MATN3: variants seen among roughly 807,000 people sequenced by gnomAD.
MATN3 encodes the protein matrilin-3.
In MATN3, 48 loss-of-function variants were observed where a neutral mutation model predicts 45.3. The ratio of observed to expected loss-of-function variants is 1.06; its 90% CI spans 0.84 to 1.35. The LOEUF (loss-of-function observed/expected upper bound fraction) is 1.35, where lower values mean the gene tolerates loss of function less well. Among genes scored for constraint, MATN3 ranks in the 40% most tolerant of loss-of-function variants. The probability of loss-of-function intolerance (pLI) is 0.00; values close to 1 mark genes in which losing one functional copy is unlikely to be tolerated. For missense variants in MATN3, 599 were observed against 628.0 expected (o/e 0.95, Z 0.49); for synonymous variants, 217 against 245.9 (o/e 0.88, Z 1.10).
intron 2 of MATN3, among the ~76,000 whole-genome samples, chr2:20,005,272 A>G (rs1245399831): frequency 1.3e-5 from 2 of 152,038 alleles, no homozygotes; most frequent in Admixed American, 1.3e-4. Flanking sequence ...AGGCCTGCTG[A>G]CTCTCCCAAG....
rs1365014580 is a variant in MATN3 at position 20,012,394 on chromosome 2, G to T, written c.223+15C>A. 1.5e-5 allele frequency: 19 copies of T among 1,227,828 alleles called. No individual in the cohort carries two copies. The highest frequency in any genetic ancestry group is 1.8e-5 in the Non-Finnish European group (18 of 985,536). 76.1% of individuals were successfully genotyped at this position (1,227,828 alleles called of 1,614,324 possible). On this transcript the variant is annotated intron_variant, in intron 1 of 7. Coordinates refer to ENST00000407540, the MANE Select transcript of MATN3 (RefSeq NM_002381.5). The surrounding 1 kb of genome is among the most constrained non-coding windows in gnomAD (Gnocchi z 4.3). ...CGTTCGATGCTCACGCGTCCCTCCC[G>T]CCGCCCGCCTGTACCTGCACCGCGG...
In MATN3 at chr2:20,006,038, T is replaced by A. The variant is rs761650716; in HGVS notation, c.496A>T (p.Ile166Phe). The change falls in exon 2 of 8, where the codon ATC becomes TTC. Residue 166 changes from isoleucine (I) to phenylalanine (F), a missense_variant. Coordinates refer to ENST00000407540, the MANE Select transcript of MATN3 (RefSeq NM_002381.5). Reference sequence around the variant, plus strand: ...AAGGCTTCGTCCATTGCTGTCTGGATGGCTAGGCCTGACATGGTGCCTGTT... The same window carrying A: ...AAGGCTTCGTCCATTGCTGTCTGGAAGGCTAGGCCTGACATGGTGCCTGTT... ...LSTGTMSGLAIQTAMDEAFTV... is the reference protein window; with the variant it reads ...LSTGTMSGLAFQTAMDEAFTV... 1 of 1,614,020 alleles carries A rather than the reference T, an allele frequency of 6.2e-7. No individual in the cohort carries two copies. The highest frequency in any genetic ancestry group is 1.1e-5 in the South Asian group (1 of 91,092).
rs182164052 is a variant in MATN3, at chr2:20,005,801, C to G, written c.733G>C (p.Val245Leu). 3.7e-6 allele frequency: 6 copies of G among 1,611,214 alleles called. No individual in the cohort carries two copies. In the Admixed American group the frequency reaches 1.0e-4, roughly 27 times the overall value. ...SEPLEEHVFY[V>L]ETYGVIEKLS... ...TTCTCAATGACCCCATAGGTCTCCA[C>G]GTAGAAAACATGCTCCTCTAGGGGC... The change falls in exon 2 of 8, where the codon GTG becomes CTG. Residue 245 changes from valine (V) to leucine (L), a missense_variant. Val to Leu is a conservative substitution (Grantham distance 32). Transcript: ENST00000407540.
At chr2:19,996,732 G>A (rs1229128722) in intron 6 of MATN3, among the ~76,000 whole-genome samples, 5 of 152,096 alleles carry the variant, frequency 3.3e-5, no homozygotes, top group Admixed American at 6.6e-5. Flanking sequence ...TTGTTTCATC[G>A]GCACAGACTT....
rs772017251 is a variant in MATN3 at position 20,001,980 on chromosome 2, C to T, written c.1017G>A (p.Leu339=). 2 of 1,613,476 alleles carry T rather than the reference C, an allele frequency of 1.2e-6. No homozygotes were observed. The highest frequency in any genetic ancestry group is 3.3e-5 in the Admixed American group (2 of 59,976). ...YHCECYEGYT[L]NEDRKTCSAQ... ...CTGAACAAGTTTTCCTGTCTTCATT[C>T]AAGGTATAACCTTCATAGCACTCAC... The change falls in exon 4 of 8, where the codon TTG becomes TTA. Residue 339 remains leucine (L), a synonymous_variant. Transcript: ENST00000407540.
In MATN3 at chr2:20,005,968, T is replaced by C; in HGVS notation, c.566A>G (p.Lys189Arg). The C allele has an allele frequency of 6.2e-7, 1 of 1,613,980 alleles. No homozygotes were observed. Reference protein sequence around the residue: ...GAREPSSNIPKVAIIVTDGRP... With the variant: ...GAREPSSNIPRVAIIVTDGRP... ...CCCATCTGTAACAATGATGGCCACC[T>C]TAGGGATGTTAGAAGAGGGCTCTCG... is the stretch of plus-strand genomic sequence containing the variant. The change falls in exon 2 of 8, where the codon AAG becomes AGG. Residue 189 changes from lysine to arginine, a missense_variant. By Grantham distance (26) the Lys-to-Arg change is conservative. Coordinates refer to ENST00000407540, the MANE Select transcript of MATN3 (RefSeq NM_002381.5).
intron 1 of MATN3, among the ~76,000 whole-genome samples, chr2:20,007,080 T>G (rs184930875): frequency 6.6e-6 from 1 of 152,064 alleles, no homozygotes; most frequent in Admixed American, 6.6e-5. Flanking sequence ...TGGTAGTGGG[T>G]GCCTGTATTC....
Position 20,012,618 on chromosome 2 carries a change from G to A in MATN3, c.14C>T (p.Ala5Val), listed in dbSNP as rs1252239426. The A allele has an allele frequency of 8.2e-7, 1 of 1,216,576 alleles. No homozygotes were observed. Among genetic ancestry groups the A allele is most frequent in the Non-Finnish European group, 1.0e-6 (1 of 978,220 alleles). The allele number at this position is 1,216,576 out of a possible 1,614,324, so 75.4% of individuals were successfully genotyped here. A position where few individuals can be genotyped will look rare whatever the true frequency, so the allele number is the denominator to read the frequency against. Residue 5 changes from alanine to valine, a missense_variant, in exon 1 of 8, where the codon GCC becomes GTC. Physicochemically the swap from Ala to Val is moderately conservative, Grantham distance 64. Transcript: ENST00000407540. This position sits in a 1 kb window ranked among gnomAD's most constrained non-coding sequence, Gnocchi z 4.3. ...GAGTCCCGGGAGGCGGCGCGCGGGG[G>A]CCGGGCGCGGCATGGTGGGCTCCGT... Reference protein sequence around the residue: MPRPAPARRLPGLLL... With the variant: MPRPVPARRLPGLLL...
Position 19,992,840 on chromosome 2 carries a change from T to G in MATN3, c.*271A>C, listed in dbSNP as rs1268200180. ...ATTAGTAGATAAAGAAACACTAAAC[T>G]TTTCATTCTATTTCCTACCAATCAT... On this transcript the variant is annotated 3_prime_UTR_variant, in exon 8 of 8. Transcript: ENST00000407540. The G allele has an allele frequency of 2.6e-6, 1 of 390,438 alleles. No homozygotes were observed. The highest frequency in any genetic ancestry group is 4.5e-6 in the Non-Finnish European group (1 of 220,724). 24.2% of individuals were successfully genotyped at this position (390,438 alleles called of 1,614,324 possible).
Position 20,006,284 on chromosome 2 carries a change from G to T in MATN3, c.250C>A (p.Leu84Met). 6.3e-7 allele frequency: 1 copy of T among 1,582,174 alleles called. No individual in the cohort carries two copies. Among genetic ancestry groups the T allele is most frequent in the Non-Finnish European group, 8.6e-7 (1 of 1,165,322 alleles). ...CGAGAACTATCAATGATAAACACCA[G>T]GTCCAAGGGTCTGCTCTTGCAAACA... ...AGVCKSRPLD[L>M]VFIIDSSRSV... Residue 84 changes from leucine (L) to methionine (M), a missense_variant, in exon 2 of 8, where the codon CTG becomes ATG. By Grantham distance (15) the Leu-to-Met change is conservative. Transcript: ENST00000407540.
chr2:20,000,128 C>T (rs1443530853), intron 5 of MATN3, among the ~76,000 whole-genome samples: 1 of 152,222 alleles, frequency 6.6e-6, no homozygotes, highest in Non-Finnish European at 1.5e-5. Context: ...CTGACTTCCA[C>T]TAAAGTTTTC....
At position 20,012,295 on chromosome 2, in the gene MATN3, G is replaced by T; in HGVS notation, c.223+114C>A. 2 of 748,432 alleles carry T rather than the reference G, an allele frequency of 2.7e-6. No individual in the cohort carries two copies. Among genetic ancestry groups the T allele is most frequent in the Non-Finnish European group, 3.6e-6 (2 of 549,208 alleles). 46.4% of individuals were successfully genotyped at this position (748,432 alleles called of 1,614,324 possible). On this transcript the variant is annotated intron_variant, in intron 1 of 7. Coordinates refer to ENST00000407540, the MANE Select transcript of MATN3 (RefSeq NM_002381.5). This position sits in a 1 kb window ranked among gnomAD's most constrained non-coding sequence, Gnocchi z 4.3. ...CCCCCACAGGATTCATCCGGGAGGG[G>T]CCTCTTTCCCCCGCACCACGGTCGG...
intron 2 of MATN3, chr2:20,004,141 A>T (rs1456214159): frequency 6.6e-6 from 1 of 152,232 alleles, no homozygotes; most frequent in Non-Finnish European, 1.5e-5. Context: ...TGGCAACAGG[A>T]CAAGGCTAAT....
intron 2 of MATN3, 37 bp downstream of exon 2, chr2:20,005,707 A>G: frequency 6.9e-7 from 1 of 1,450,708 alleles, no homozygotes; most frequent in Non-Finnish European, 9.4e-7. Context: ...TGAATATAAC[A>G]TCCTTTCTAG....
chr2:19,993,238 C>T, intron 7 of MATN3, 72 bp from the exon 8 acceptor site: 1 of 1,110,716 alleles, frequency 9.0e-7, no homozygotes, highest in Non-Finnish European at 1.4e-6. Flanking sequence ...TCAAACACTT[C>T]ACAAGATAAA....
intron 1 of MATN3, among the ~76,000 whole-genome samples, chr2:20,009,791 C>G (rs184507544): frequency 3.4e-4 from 51 of 152,168 alleles, no homozygotes; most frequent in African/African-American, 1.2e-3. Flanking sequence ...GATCCCAGGT[C>G]TTTAGGCAAA....
rs1672786538 is a variant in MATN3, at chr2:19,992,894, G to T, written c.*217C>A. On this transcript the variant is annotated 3_prime_UTR_variant, in exon 8 of 8. Transcript: ENST00000407540. ...ACAGTCATAACTTAGAGACACTAAA[G>T]TTTGCTCTTAATAAGTATCTGCATA... 1.9e-6 allele frequency: 1 copy of T among 528,580 alleles called. No homozygotes were observed. Among genetic ancestry groups the T allele is most frequent in the Non-Finnish European group, 3.3e-6 (1 of 303,464 alleles). The allele number at this position is 528,580 out of a possible 1,614,324, so 32.7% of individuals were successfully genotyped here.
intron 1 of MATN3, among the ~76,000 whole-genome samples, chr2:20,009,956 A>G (rs906396109): frequency 6.6e-6 from 1 of 151,530 alleles, no homozygotes; most frequent in African/African-American, 2.4e-5. Flanking sequence ...AAATTGTATA[A>G]AAACAAGCTG....
At chr2:19,996,941 G>T (rs563365174) in intron 6 of MATN3, among the ~76,000 whole-genome samples, 193 bp downstream of exon 6, 4 of 152,280 alleles carry the variant, frequency 2.6e-5, no homozygotes, top group African/African-American at 7.2e-5. Context: ...AAACAGAGAA[G>T]ACAGAAACAG....
Sources: gnomAD v4.1 joint callset for allele counts (sites outside exome capture counted in the v4.1 genomes callset) on GRCh38, gnomAD v4.1.1 for gene constraint, Gnocchi (gnomAD v3.1) non-coding constraint, MANE v1.5 for transcripts, NCBI Gene and HGNC (gene_info 2026-07-23, HGNC 2026-07-21) for gene names.